PTPRD: variants seen among roughly 807,000 people sequenced by gnomAD.
The protein encoded by PTPRD is protein tyrosine phosphatase receptor type D, also known as receptor-type tyrosine-protein phosphatase delta.
A neutral mutation model predicts 214.5 loss-of-function variants in PTPRD; 34 were observed. The observed-to-expected ratio is 0.16, with a 90% CI of 0.12 to 0.21. PTPRD has a LOEUF of 0.21. Among genes scored for constraint, PTPRD ranks in the 10% least tolerant of loss-of-function variants. The pLI is 1.00. For missense variants in PTPRD, 2,545 were observed against 2,398.7 expected (o/e 1.06, Z -1.27); for synonymous variants, 1,128 against 845.7 (o/e 1.33, Z -5.79).
intron 2 of PTPRD, among the ~76,000 whole-genome samples, chr9:10,382,148 C>G (rs1042145279): frequency 1.3e-5 from 2 of 151,794 alleles, no homozygotes; most frequent in Non-Finnish European, 2.9e-5. Flanking sequence ...TGTTTTAATT[C>G]TCAACAATGA....
intron 8 of PTPRD, among the ~76,000 whole-genome samples, chr9:9,419,128 T>TACATACACAC (rs150709902): frequency 3.4e-4 from 48 of 139,986 alleles, no homozygotes; most frequent in African/African-American, 1.2e-3. Flanking sequence ...AGGCCCCTTA[T>TACATACACAC]ACACACACAC....
intron 3 of PTPRD, among the ~76,000 whole-genome samples, chr9:10,187,833 C>G (rs370757844): frequency 1.6e-4 from 25 of 152,216 alleles, no homozygotes; most frequent in Non-Finnish European, 3.4e-4. Context: ...CCCACCTGGT[C>G]TAACCTAGCT....
At chr9:9,817,504 G>A (rs1339480058) in intron 5 of PTPRD, among the ~76,000 whole-genome samples, 4 of 152,008 alleles carry the variant, frequency 2.6e-5, no homozygotes, top group Admixed American at 1.3e-4. Context: ...GTCTTTAGAG[G>A]CCAAATCTAA....
At chr9:10,300,529 T>G (rs564857482) in intron 3 of PTPRD, among the ~76,000 whole-genome samples, 10 of 152,298 alleles carry the variant, frequency 6.6e-5, no homozygotes, top group Admixed American at 3.9e-4. Context: ...AAATTCTCAC[T>G]GCCAGCACAG....
chr9:10,023,969 C>T (rs879841155), intron 4 of PTPRD, among the ~76,000 whole-genome samples: 1 of 149,988 alleles, frequency 6.7e-6, no homozygotes, highest in Non-Finnish European at 1.5e-5. Context: ...AATTGATATG[C>T]TCTAATTATT....
intron 39 of PTPRD, among the ~76,000 whole-genome samples, chr9:8,356,302 T>C (rs2076987377): frequency 1.3e-5 from 2 of 152,046 alleles, no homozygotes; most frequent in Non-Finnish European, 2.9e-5. Context: ...AAGAAAAATA[T>C]CTAAGCAATA....
chr9:9,126,469 T>G (rs1188842881), intron 10 of PTPRD, among the ~76,000 whole-genome samples: 1 of 152,224 alleles, frequency 6.6e-6, no homozygotes, highest in Non-Finnish European at 1.5e-5. Flanking sequence ...GATTTTACCA[T>G]AGGTTAACTG....
chr9:9,189,248 A>T (rs2099933597), intron 9 of PTPRD, among the ~76,000 whole-genome samples: 1 of 152,070 alleles, frequency 6.6e-6, no homozygotes, highest in Admixed American at 6.6e-5. Context: ...ATGGAATTTT[A>T]TAGTTGAAAG....
At chr9:9,496,691 G>GTTA (rs1298069638) in intron 8 of PTPRD, among the ~76,000 whole-genome samples, 1 of 152,124 alleles carries the variant, frequency 6.6e-6, no homozygotes, top group Non-Finnish European at 1.5e-5. Flanking sequence ...CAGTGTTATG[G>GTTA]TTATTCTTAA....
chr9:9,397,913 C>G (rs375018262), intron 8 of PTPRD, among the ~76,000 whole-genome samples: 2 of 151,948 alleles, frequency 1.3e-5, no homozygotes, highest in East Asian at 1.9e-4. Context: ...TCTTTGTTGC[C>G]TACCTAAAAC....
intron 3 of PTPRD, among the ~76,000 whole-genome samples, chr9:10,232,086 G>A (rs778992716): frequency 3.3e-5 from 5 of 150,390 alleles, no homozygotes; most frequent in Middle Eastern, 3.4e-3. Flanking sequence ...CCCTCTTCCC[G>A]TGTGTCTGCT....
At chr9:10,131,239 C>A (rs1175609459) in intron 3 of PTPRD, among the ~76,000 whole-genome samples, 2 of 152,202 alleles carry the variant, frequency 1.3e-5, no homozygotes, top group South Asian at 4.1e-4. Context: ...AGTCAAAGCT[C>A]TGAGATGAAA....
intron 11 of PTPRD, among the ~76,000 whole-genome samples, chr9:8,920,150 G>A (rs774869672): frequency 2.6e-5 from 4 of 151,974 alleles, no homozygotes; most frequent in South Asian, 2.1e-4. Flanking sequence ...AGACCACCCC[G>A]GGCAACACGG....
At chr9:9,850,359 CTTGTTA>C (rs1437167361) in intron 5 of PTPRD, among the ~76,000 whole-genome samples, 1 of 151,916 alleles carries the variant, frequency 6.6e-6, no homozygotes, top group Non-Finnish European at 1.5e-5. Context: ...AATGTTTGTT[CTTGTTA>C]TTATTAGTAG....
intron 8 of PTPRD, among the ~76,000 whole-genome samples, chr9:9,560,478 C>T (rs2082626389): frequency 6.6e-6 from 1 of 152,216 alleles, no homozygotes; most frequent in African/African-American, 2.4e-5. Context: ...TCAGCGCCTC[C>T]TCCACACTCA....
chr9:8,460,852 G>A (rs1406779125), intron 32 of PTPRD, among the ~76,000 whole-genome samples: 1 of 151,904 alleles, frequency 6.6e-6, no homozygotes, highest in Non-Finnish European at 1.5e-5. Flanking sequence ...CTTTCTATAT[G>A]GTGTATTAAA....
chr9:9,253,513 A>T (rs958456288), intron 9 of PTPRD, among the ~76,000 whole-genome samples: 1 of 143,122 alleles, frequency 7.0e-6, no homozygotes, highest in Non-Finnish European at 1.6e-5. Context: ...GAAAAAAAAA[A>T]TATGTATACA....
intron 3 of PTPRD, among the ~76,000 whole-genome samples, chr9:10,245,344 T>G (rs2154365417): frequency 6.6e-6 from 1 of 152,296 alleles, no homozygotes; most frequent in South Asian, 2.1e-4. Flanking sequence ...GGTAATCTGA[T>G]AATCAAAGTA....
At chr9:9,459,914 C>T (rs1423407062) in intron 8 of PTPRD, among the ~76,000 whole-genome samples, 2 of 151,872 alleles carry the variant, frequency 1.3e-5, no homozygotes, top group Non-Finnish European at 2.9e-5. Context: ...ACAACAAAGA[C>T]AGAGGCATCA....
Sources: allele counts gnomAD v4.1 joint callset (sites outside exome capture counted in the v4.1 genomes callset), GRCh38; gene constraint gnomAD v4.1.1; transcripts MANE v1.5; gene names NCBI Gene and HGNC (gene_info 2026-07-23, HGNC 2026-07-21).